Variants in GAN observed in about 807,000 individuals in gnomAD.
The protein encoded by GAN is gigaxonin, also known as epididymis secretory sperm binding protein.
GAN carries 48 observed loss-of-function variants against 71.3 expected under a neutral mutation model. That is an observed-to-expected ratio of 0.67 (90% CI 0.53 to 0.86). The LOEUF (loss-of-function observed/expected upper bound fraction) is 0.86. Ranked by LOEUF, GAN falls within the 40% of genes least tolerant of loss-of-function variation. The probability of loss-of-function intolerance (pLI) is 0.00; values close to 1 mark genes in which losing one functional copy is unlikely to be tolerated. For missense variants in GAN, 928 were observed against 770.1 expected (o/e 1.21, Z -2.43); for synonymous variants, 386 against 276.8 (o/e 1.39, Z -3.92).
chr16:81,372,284 C>T (rs1237790621), intron 9 of GAN, among the ~76,000 whole-genome samples: 1 of 152,194 alleles, frequency 6.6e-6, no homozygotes, highest in Admixed American at 6.5e-5. Flanking sequence ...AAATTAGTAT[C>T]GTTTAATGAT....
chr16:81,322,679 T>C (rs956227217), intron 1 of GAN, among the ~76,000 whole-genome samples: 1 of 152,254 alleles, frequency 6.6e-6, no homozygotes, highest in Non-Finnish European at 1.5e-5. Flanking sequence ...TGGTAACATA[T>C]TAATATGACT....
intron 9 of GAN, among the ~76,000 whole-genome samples, chr16:81,369,751 C>T (rs1910976407): frequency 6.6e-6 from 1 of 152,184 alleles, no homozygotes; most frequent in African/African-American, 2.4e-5. Context: ...GCCACCGCGC[C>T]CAGCTAATTT....
At chr16:81,337,277 A>T (rs557585447) in intron 1 of GAN, among the ~76,000 whole-genome samples, 3 of 152,326 alleles carry the variant, frequency 2.0e-5, no homozygotes, top group East Asian at 1.9e-4. Flanking sequence ...CCAAGGTGAC[A>T]TGATGACATG....
intron 1 of GAN, among the ~76,000 whole-genome samples, chr16:81,347,691 T>G (rs1910166133): frequency 6.6e-6 from 1 of 152,242 alleles, no homozygotes; most frequent in Non-Finnish European, 1.5e-5. Context: ...GAAATAATTT[T>G]CTTTCAGAAT....
At chr16:81,316,362 ACCTTTG>A (rs1909041277) in intron 1 of GAN, among the ~76,000 whole-genome samples, 2 of 151,120 alleles carry the variant, frequency 1.3e-5, no homozygotes, top group African/African-American at 4.9e-5. Context: ...TACACTTTTA[ACCTTTG>A]CATTGGGGAG....
In GAN at chr16:81,377,212, T is replaced by C. The variant is rs1387006177; in HGVS notation, c.1503-7T>C. The C allele has an allele frequency of 2.6e-6, 4 of 1,551,002 alleles. No homozygotes were observed. Among genetic ancestry groups the C allele is most frequent in the Non-Finnish European group, 2.7e-6 (3 of 1,122,366 alleles). On this transcript the variant is annotated splice_region_variant and splice_polypyrimidine_tract_variant and intron_variant, in intron 9 of 10. Transcript: ENST00000648994. ...TCCTTAATTTTGTGCATGGGCTTTGTTTTCAGGTGGATCTATCTTAACGAC... is the reference window on the plus strand; with the variant it reads ...TCCTTAATTTTGTGCATGGGCTTTGCTTTCAGGTGGATCTATCTTAACGAC...
chr16:81,326,214 T>G (rs1909380894), intron 1 of GAN, among the ~76,000 whole-genome samples: 1 of 152,278 alleles, frequency 6.6e-6, no homozygotes, highest in East Asian at 1.9e-4. Context: ...AGCAGAACTT[T>G]CATACGTAAG....
intron 4 of GAN, among the ~76,000 whole-genome samples, chr16:81,357,326 A>C (rs1450308736): frequency 1.3e-5 from 2 of 152,116 alleles, no homozygotes; most frequent in African/African-American, 4.8e-5. Flanking sequence ...CTCATTGTTC[A>C]GTTCCCACCT....
At chr16:81,365,604 T>C (rs1910829510) in intron 9 of GAN, 126 bp downstream of exon 9, 7 of 896,786 alleles carry the variant, frequency 7.8e-6, no homozygotes, top group Non-Finnish European at 1.1e-5. Context: ...TAACGTCTCA[T>C]GCATACTAGA....
intron 1 of GAN, among the ~76,000 whole-genome samples, chr16:81,348,209 C>A (rs1910184120): frequency 6.6e-6 from 1 of 152,022 alleles, no homozygotes; most frequent in East Asian, 1.9e-4. Context: ...TTTATCTTGA[C>A]CCTACATTTA....
intron 1 of GAN, among the ~76,000 whole-genome samples, chr16:81,337,958 G>T (rs980427180): frequency 6.6e-6 from 1 of 152,176 alleles, no homozygotes; most frequent in Non-Finnish European, 1.5e-5. Flanking sequence ...AGGTCTCAGG[G>T]CTGAGTCTCT....
rs768074318 is a variant in GAN, at chr16:81,354,660, G to C, written c.538G>C (p.Glu180Gln). 1 of 1,613,750 alleles carries C rather than the reference G, an allele frequency of 6.2e-7. No individual in the cohort carries two copies. Among genetic ancestry groups the C allele is most frequent in the Non-Finnish European group, 8.5e-7 (1 of 1,179,618 alleles). Residue 180 changes from glutamate (E) to glutamine (Q), a missense_variant, in exon 3 of 11, where the codon GAA becomes CAA. Glu to Gln is a conservative substitution (Grantham distance 29). Coordinates refer to ENST00000648994, the MANE Select transcript of GAN (RefSeq NM_022041.4). The stretch of plus-strand genomic sequence containing the variant: ...AGAGCTGAGTCCTCAAAAGCTTAAA[G>C]AAGTGATTTCTCTTGAGAAGTTAAA... ...FLELSPQKLK[E>Q]VISLEKLNVG...
intron 9 of GAN, among the ~76,000 whole-genome samples, chr16:81,366,808 A>G (rs1311335394): frequency 6.6e-6 from 1 of 152,104 alleles, no homozygotes; most frequent in African/African-American, 2.4e-5. Flanking sequence ...TGATTGCCCA[A>G]GGGATGAAGT....
Position 81,354,645 on chromosome 16 carries a change from C to G in GAN, c.523C>G (p.Pro175Ala). Residue 175 changes from proline (P) to alanine (A), a missense_variant, in exon 3 of 11, where the codon CCT becomes GCT. Physicochemically the swap from Pro to Ala is conservative, Grantham distance 27. Coordinates refer to ENST00000648994, the MANE Select transcript of GAN (RefSeq NM_022041.4). ...SSTEEFLELS[P>A]QKLKEVISLE... The stretch of plus-strand genomic sequence containing the variant: ...CACGGAAGAATTCTTAGAGCTGAGT[C>G]CTCAAAAGCTTAAAGAAGTGATTTC... The G allele has an allele frequency of 6.2e-7, 1 of 1,612,852 alleles. No homozygotes were observed. Among genetic ancestry groups the G allele is most frequent in the South Asian group, 1.1e-5 (1 of 91,050 alleles).
intron 9 of GAN, among the ~76,000 whole-genome samples, chr16:81,370,682 C>T (rs1243884948): frequency 6.6e-6 from 1 of 152,370 alleles, no homozygotes; most frequent in Middle Eastern, 3.4e-3. Flanking sequence ...GAGAGGAAGG[C>T]AGCCGACAGC....
rs200130402 is a variant in GAN at position 81,356,944 on chromosome 16, A to G, written c.793A>G (p.Asn265Asp). 1.2e-6 allele frequency: 2 copies of G among 1,613,790 alleles called. No individual in the cohort carries two copies. Among genetic ancestry groups the G allele is most frequent in the African/African-American group, 1.3e-5 (1 of 75,042 alleles). Residue 265 changes from asparagine to aspartate, a missense_variant, in exon 4 of 11, where the codon AAC (asparagine) becomes GAC (aspartate). Asn to Asp is a conservative substitution (Grantham distance 23). Transcript: ENST00000648994. The stretch of plus-strand genomic sequence containing the variant: ...GCAGCAAGGGGAGGCGATGCTGGCC[A>G]ACTTCAAACCCCGGGGCTACTCTGA... ...QPQQGEAMLA[N>D]FKPRGYSECI...
rs1597415523 is a variant in GAN, at chr16:81,379,994, A to G, written c.*2398A>G. On this transcript the variant is annotated 3_prime_UTR_variant, in exon 11 of 11. Transcript: ENST00000648994. ...ATGTTTTATAAAATAAATTTGCCAC[A>G]TAATATGGGATGCAATAACCAACAA... The G allele has an allele frequency of 6.6e-6, 1 of 152,614 alleles. No individual in the cohort carries two copies. Among genetic ancestry groups the G allele is most frequent in the South Asian group, 2.1e-4 (1 of 4,824 alleles). 9.5% of individuals were successfully genotyped at this position (152,614 alleles called of 1,614,324 possible). A position where few individuals can be genotyped will look rare whatever the true frequency, so the allele number is the denominator to read the frequency against.
intron 7 of GAN, among the ~76,000 whole-genome samples, chr16:81,364,344 A>G (rs899968890): frequency 3.3e-5 from 5 of 152,020 alleles, no homozygotes; most frequent in African/African-American, 4.8e-5. Context: ...ATCTTGGCTC[A>G]CTGCAACCTC....
At chr16:81,339,307 C>G (rs1434300987) in intron 1 of GAN, among the ~76,000 whole-genome samples, 3 of 152,184 alleles carry the variant, frequency 2.0e-5, no homozygotes, top group African/African-American at 7.2e-5. Flanking sequence ...AGCACTGGGC[C>G]TTAATCCTTT....
Sources: gnomAD v4.1 joint callset for allele counts (sites outside exome capture counted in the v4.1 genomes callset) on GRCh38, gnomAD v4.1.1 for gene constraint, MANE v1.5 for transcripts, NCBI Gene and HGNC (gene_info 2026-07-23, HGNC 2026-07-21) for gene names.